Variants in NREP observed in about 807,000 individuals in gnomAD.
The protein encoded by NREP is neuronal regeneration related protein, also known as neuronal regeneration-related protein.
In NREP, 5 loss-of-function variants were observed where a neutral mutation model predicts 8.6. The ratio of observed to expected loss-of-function variants is 0.58; its 90% confidence interval spans 0.30 to 1.22. The LOEUF (loss-of-function observed/expected upper bound fraction) is 1.22, where lower values mean the gene tolerates loss of function less well. NREP is among the 50% of genes most tolerant of loss of function. NREP has a pLI of 0.07. For synonymous variants in NREP, 27 were observed against 28.0 expected, an observed-to-expected ratio of 0.96 and a Z score of 0.11; for missense variants, 86 against 82.5, an observed-to-expected ratio of 1.04 and a Z score of -0.17.
At chr5:111,769,381 C>T (rs151316101) in intron 2 of NREP, among the ~76,000 whole-genome samples, 55 of 152,274 alleles carry the variant, frequency 3.6e-4, no homozygotes, top group African/African-American at 1.3e-3. Flanking sequence ...TTAGTATAAG[C>T]AGGGCATTTT....
chr5:111,863,251 G>C (rs907414439), intron 2 of NREP, among the ~76,000 whole-genome samples: 18 of 152,244 alleles, frequency 1.2e-4, no homozygotes, highest in Admixed American at 4.6e-4. Context: ...GACATGGAGA[G>C]TGAGTAAGAG....
chr5:111,802,569 T>A lies in NREP; in HGVS notation c.136-67062A>T, dbSNP rs190656248. ...GGCCTAGATCAGCATTGTATTTTTT[T>A]AAAATGCAATTTAACAAATGTAAAA... On this transcript the variant is annotated intron_variant, in intron 2 of 3. Transcript: ENST00000395634. Among the ~76,000 whole-genome samples the A allele has an allele frequency of 7.2e-4, 109 of 152,278 alleles. 2 individuals are homozygous for A. Among genetic ancestry groups the A allele is most frequent in the African/African-American group, 2.6e-3 (107 of 41,556 alleles).
At chr5:111,829,404 A>G (rs562057790) in intron 2 of NREP, among the ~76,000 whole-genome samples, 1 of 152,316 alleles carries the variant, frequency 6.6e-6, no homozygotes, top group South Asian at 2.1e-4. Context: ...ACCAAATGAG[A>G]GATGATTATC....
intron 2 of NREP, among the ~76,000 whole-genome samples, chr5:111,766,464 G>T (rs1050124367): frequency 1.3e-5 from 2 of 152,188 alleles, no homozygotes; most frequent in African/African-American, 4.8e-5. Context: ...GTAATGAAAG[G>T]CTTCTGCTAT....
At position 111,784,860 on chromosome 5, in the gene NREP, A is replaced by G. The variant is rs1456245190; in HGVS notation, c.136-49353T>C. On this transcript the variant is annotated intron_variant, in intron 2 of 3. Coordinates refer to the NREP transcript ENST00000395634. ...TTCCCAATCATCACTCATTTCACTT[A>G]TTTTTATAAAGAAAGTATGATGATT... Among the ~76,000 whole-genome samples, 3 of 152,160 alleles carry G rather than the reference A, an allele frequency of 2.0e-5. No homozygotes were observed. The East Asian group carries it at 5.8e-4, about 29-fold the overall frequency.
rs575490326 is a variant in NREP at position 111,844,658 on chromosome 5, TTATATATATTA to T, written c.136-109162_136-109152del. 3.9e-3 allele frequency among the ~76,000 whole-genome samples: 570 copies of T among 145,572 alleles called. 5 individuals are homozygous for T. The highest frequency in any genetic ancestry group is 0.018 in the South Asian group (85 of 4,700). On this transcript the variant is annotated intron_variant, in intron 2 of 3. Coordinates refer to the NREP transcript ENST00000395634. The stretch of plus-strand genomic sequence containing the variant: ...CATTATATATCAACTAATATATATA[TTATATATATTA>T]TATATATATTATATATATATAATAG...
At chr5:111,841,936 A>G (rs987810085) in intron 2 of NREP, among the ~76,000 whole-genome samples, 2 of 152,148 alleles carry the variant, frequency 1.3e-5, no homozygotes, top group African/African-American at 4.8e-5. Flanking sequence ...TCTGGTCAGC[A>G]TTCTGTGATT....
chr5:111,752,246 C>G lies in NREP; in HGVS notation c.3+3524G>C, dbSNP rs557435190. On this transcript the variant is annotated intron_variant, in intron 2 of 3. Coordinates refer to ENST00000257435, the MANE Select transcript of NREP (RefSeq NM_004772.4). ...AGCTGTTTATTCTAAGATTGCTGCT[C>G]AAATACCTTTTCCTACCTGAATTAT... 1.2e-4 allele frequency among the ~76,000 whole-genome samples: 18 copies of G among 152,282 alleles called. No homozygotes were observed. The South Asian group carries it at 3.5e-3, about 30-fold the overall frequency.
At chr5:111,798,182 T>C (rs1751915927) in intron 2 of NREP, among the ~76,000 whole-genome samples, 1 of 152,204 alleles carries the variant, frequency 6.6e-6, no homozygotes, top group Non-Finnish European at 1.5e-5. Flanking sequence ...GAAAGGCAGG[T>C]CAAATTTAAT....
At chr5:111,957,000 A>AAAT (rs1756342782) in intron 2 of NREP, among the ~76,000 whole-genome samples, 1 of 99,870 alleles carries the variant, frequency 1.0e-5, no homozygotes, top group South Asian at 3.3e-4. Context: ...AATAAATAAA[A>AAAT]TGCCAGTTAA....
chr5:111,791,015 C>T (rs192188174), intron 2 of NREP, among the ~76,000 whole-genome samples: 1 of 152,096 alleles, frequency 6.6e-6, no homozygotes, highest in African/African-American at 2.4e-5. Context: ...GAGGGTCCTG[C>T]AACCAATCCC....
At position 111,744,593 on chromosome 5, in the gene NREP, T is replaced by C. The variant is rs528085980; in HGVS notation, c.4-9086A>G. On this transcript the variant is annotated intron_variant, in intron 2 of 3. Transcript: ENST00000257435. ...ATATGCCCCTGCACACCACCTGGGT[T>C]TTCAACCCCTCTGGGTGGAGCCAAG... Among the ~76,000 whole-genome samples, 3 of 152,114 alleles carry C rather than the reference T, an allele frequency of 2.0e-5. No homozygotes were observed. In the South Asian group the frequency reaches 6.2e-4, roughly 32 times the overall value.
At chr5:111,758,840 T>C (rs1251786554), upstream of NREP, among the ~76,000 whole-genome samples, 1 of 152,254 alleles carries the variant, frequency 6.6e-6, no homozygotes. Flanking sequence ...TGTATGCTTG[T>C]TGCTGGGACT....
intron 2 of NREP, among the ~76,000 whole-genome samples, chr5:111,787,512 T>C (rs567492674): frequency 1.3e-5 from 2 of 152,140 alleles, no homozygotes; most frequent in East Asian, 3.9e-4. Context: ...TTATAATGGA[T>C]GAGAGTTGGA....
intron 2 of NREP, among the ~76,000 whole-genome samples, chr5:111,916,160 T>C (rs1581215576): frequency 6.6e-6 from 1 of 152,016 alleles, no homozygotes; most frequent in East Asian, 1.9e-4. Flanking sequence ...ATATAGTATA[T>C]AGTGATCAAT....
At chr5:111,941,590 T>G (rs1395674215) in intron 2 of NREP, among the ~76,000 whole-genome samples, 1 of 152,106 alleles carries the variant, frequency 6.6e-6, no homozygotes, top group Non-Finnish European at 1.5e-5. Context: ...AGTCACATTC[T>G]GAAGTATTAG....
At chr5:111,739,943 T>C (rs557047378) in intron 2 of NREP, among the ~76,000 whole-genome samples, 45 of 152,036 alleles carry the variant, frequency 3.0e-4, no homozygotes, top group Non-Finnish European at 6.2e-4. Flanking sequence ...AATACTATTC[T>C]TCCAGAAGTC....
chr5:111,762,158 A>G (rs1750974544), upstream of NREP, among the ~76,000 whole-genome samples: 1 of 152,184 alleles, frequency 6.6e-6, no homozygotes, highest in Non-Finnish European at 1.5e-5. Flanking sequence ...TGCAGGACTC[A>G]TTATGGGTTC....
At chr5:111,757,836 A>C, upstream of NREP, 2 of 966,918 alleles carry the variant, frequency 2.1e-6, no homozygotes, top group South Asian at 4.8e-5. Context: ...GAGGTGGAGG[A>C]GGCGGTTTGG....
Sources: allele counts gnomAD v4.1 joint callset (sites outside exome capture counted in the v4.1 genomes callset), GRCh38; gene constraint gnomAD v4.1.1; transcripts MANE v1.5; gene names NCBI Gene and HGNC (gene_info 2026-07-23, HGNC 2026-07-21).